Variants in TCN1 observed in about 807,000 individuals in gnomAD.
TCN1 encodes the protein transcobalamin-1.
Under a neutral mutation model 46.3 loss-of-function variants are expected in TCN1, and 47 were observed. The observed-to-expected ratio is 1.01, with a 90% confidence interval of 0.80 to 1.29. The LOEUF (loss-of-function observed/expected upper bound fraction) is 1.29, where lower values mean the gene tolerates loss of function less well. Among genes scored for constraint, TCN1 ranks in the 50% most tolerant of loss-of-function variants. The probability of loss-of-function intolerance (pLI) is 0.00; values close to 1 mark genes in which losing one functional copy is unlikely to be tolerated. For synonymous variants in TCN1, 183 were observed against 192.5 expected (o/e 0.95, Z 0.41); for missense variants, 532 against 511.0 (o/e 1.04, Z -0.40).
intron 5 of TCN1, among the ~76,000 whole-genome samples, chr11:59,858,593 G>T (rs553166756): frequency 1.3e-5 from 2 of 152,284 alleles, no homozygotes; most frequent in South Asian, 4.1e-4. Flanking sequence ...TCAGGGAGGG[G>T]AAGGGAATCG....
intron 4 of TCN1, among the ~76,000 whole-genome samples, chr11:59,860,985 C>A (rs978119108): frequency 6.6e-6 from 1 of 152,182 alleles, no homozygotes; most frequent in Admixed American, 6.5e-5. Flanking sequence ...CTAAAGACTT[C>A]TTTATGGATA....
At chr11:59,858,989 A>G in intron 5 of TCN1, 88 bp downstream of exon 5, 1 of 1,450,226 alleles carries the variant, frequency 6.9e-7, no homozygotes, top group East Asian at 2.3e-5. Context: ...GGGCAACAAG[A>G]GCGAAGCTCC....
At chr11:59,862,154 C>T (rs1853021080) in intron 3 of TCN1, among the ~76,000 whole-genome samples, 1 of 152,108 alleles carries the variant, frequency 6.6e-6, no homozygotes, top group South Asian at 2.1e-4. Context: ...TTGATTTTTC[C>T]CAGTGATAAT....
chr11:59,856,366 A>G (rs1852938393), intron 5 of TCN1, among the ~76,000 whole-genome samples: 1 of 152,174 alleles, frequency 6.6e-6, no homozygotes, highest in African/African-American at 2.4e-5. Flanking sequence ...AATACCTGTC[A>G]TATAGGAGAC....
intron 5 of TCN1, among the ~76,000 whole-genome samples, chr11:59,857,482 C>T (rs1388427925): frequency 6.6e-6 from 1 of 152,182 alleles, no homozygotes; most frequent in African/African-American, 2.4e-5. Context: ...CCTCCAGCCT[C>T]CTGTTATGTT....
At chr11:59,856,085 G>GGGGGGGGGGC in intron 5 of TCN1, 27 bp from the exon 6 acceptor site, 52 of 585,298 alleles carry the variant, frequency 8.9e-5, no homozygotes, top group East Asian at 2.5e-4. Context: ...GGGTGGGGGG[G>GGGGGGGGGGC]TGATGAGAGA....
At chr11:59,865,032 A>G (rs1853057786) in intron 1 of TCN1, among the ~76,000 whole-genome samples, 1 of 152,218 alleles carries the variant, frequency 6.6e-6, no homozygotes, top group Admixed American at 6.6e-5. Flanking sequence ...CCTTACAGAT[A>G]TTGGACAAGA....
chr11:59,855,262 A>G (rs1298800191), intron 6 of TCN1, among the ~76,000 whole-genome samples: 1 of 152,198 alleles, frequency 6.6e-6, no homozygotes, highest in Non-Finnish European at 1.5e-5. Flanking sequence ...AATCTTTACA[A>G]AAACCTATGT....
chr11:59,855,187 C>T (rs774063393), intron 6 of TCN1, among the ~76,000 whole-genome samples: 3 of 152,000 alleles, frequency 2.0e-5, no homozygotes, highest in East Asian at 1.9e-4. Context: ...TATTGCTTAA[C>T]GTTTATTGAA....
At chr11:59,853,105 A>G in intron 8 of TCN1, 69 bp from the exon 9 acceptor site, 1 of 1,597,936 alleles carries the variant, frequency 6.3e-7, no homozygotes, top group Admixed American at 1.7e-5. Context: ...AATGGATGTC[A>G]TCTCTACTAA....
intron 6 of TCN1, 130 bp downstream of exon 6, chr11:59,855,739 A>G (rs1053464125): frequency 2.8e-5 from 29 of 1,027,448 alleles, no homozygotes; most frequent in Non-Finnish European, 3.9e-5. Context: ...GGAAAACTGA[A>G]TTCTCTCTGG....
At chr11:59,863,477 C>T (rs577287788) in intron 2 of TCN1, among the ~76,000 whole-genome samples, 1 of 151,830 alleles carries the variant, frequency 6.6e-6, no homozygotes, top group African/African-American at 2.4e-5. Context: ...GCTTCTTTTC[C>T]CCTTATACTA....
chr11:59,858,336 G>A (rs972600311), intron 5 of TCN1, among the ~76,000 whole-genome samples: 7 of 151,854 alleles, frequency 4.6e-5, no homozygotes, highest in East Asian at 3.9e-4. Context: ...AAACTTATGC[G>A]TTATTTCTGA....
chr11:59,861,529 A>C lies in TCN1; in HGVS notation c.554T>G (p.Val185Gly), dbSNP rs752827903. 3.1e-6 allele frequency: 5 copies of C among 1,614,000 alleles called. No homozygotes were observed. The highest frequency in any genetic ancestry group is 4.2e-6 in the Non-Finnish European group (5 of 1,179,892). ...GGGAATTGGGCTTAGTAACTCACCTACTGAGAACTGGCTACCAAAATAATA... is the reference window on the plus strand; with the variant it reads ...GGGAATTGGGCTTAGTAACTCACCTCCTGAGAACTGGCTACCAAAATAATA... ...KNYYFGSQFS[V>G]DTGAMAVLAL... Residue 185 changes from valine to glycine, a missense_variant and splice_region_variant, in exon 4 of 9, where the codon GTA becomes GGA. Transcript: ENST00000257264.
chr11:59,862,141 C>T (rs577827947), intron 3 of TCN1, among the ~76,000 whole-genome samples: 7 of 152,222 alleles, frequency 4.6e-5, no homozygotes, highest in East Asian at 1.9e-4. Flanking sequence ...CCACCATGGC[C>T]GGTTGATTTT....
intron 4 of TCN1, among the ~76,000 whole-genome samples, chr11:59,860,515 C>G (rs555609712): frequency 6.6e-6 from 1 of 152,002 alleles, no homozygotes; most frequent in East Asian, 1.9e-4. Context: ...GGTGCATACA[C>G]ATGGACAGTA....
At chr11:59,858,548 TG>T (rs977825283) in intron 5 of TCN1, among the ~76,000 whole-genome samples, 2 of 152,068 alleles carry the variant, frequency 1.3e-5, no homozygotes, top group African/African-American at 2.4e-5. Context: ...GCATTGGCTA[TG>T]GGGAAGTAAA....
intron 6 of TCN1, among the ~76,000 whole-genome samples, chr11:59,855,116 A>ATT (rs199752274): frequency 2.0e-5 from 3 of 149,184 alleles, no homozygotes; most frequent in African/African-American, 7.4e-5. Flanking sequence ...GAGGATCCTG[A>ATT]TTTTTTTTTT....
intron 4 of TCN1, among the ~76,000 whole-genome samples, chr11:59,860,694 G>A (rs191365380): frequency 6.6e-6 from 1 of 152,272 alleles, no homozygotes; most frequent in Admixed American, 6.5e-5. Flanking sequence ...TTACAGAGTT[G>A]TTGCCCAGTA....
Sources: allele counts gnomAD v4.1 joint callset (sites outside exome capture counted in the v4.1 genomes callset), GRCh38; gene constraint gnomAD v4.1.1; transcripts MANE v1.5; gene names NCBI Gene and HGNC (gene_info 2026-07-23, HGNC 2026-07-21).